Variants in PHACTR2 observed in about 807,000 individuals in gnomAD.
PHACTR2 encodes the protein chromosome 6 open reading frame 56.
A neutral mutation model predicts 76.0 loss-of-function variants in PHACTR2; 30 were observed. The observed-to-expected ratio is 0.39, with a 90% CI of 0.30 to 0.54. The LOEUF (loss-of-function observed/expected upper bound fraction) is 0.54, where lower values mean the gene tolerates loss of function less well. Among genes scored for constraint, PHACTR2 ranks in the 20% least tolerant of loss-of-function variants. The probability of loss-of-function intolerance (pLI) is 0.61; values close to 1 mark genes in which losing one functional copy is unlikely to be tolerated. For synonymous variants in PHACTR2, 292 were observed against 292.5 expected (o/e 1.00, Z 0.02); for missense variants, 696 against 781.1 (o/e 0.89, Z 1.30).
At chr6:143,638,590 C>T (rs1776509709) in intron 1 of PHACTR2, among the ~76,000 whole-genome samples, 1 of 150,362 alleles carries the variant, frequency 6.7e-6, no homozygotes, top group African/African-American at 2.5e-5. Flanking sequence ...CACACACACA[C>T]ACACACACAC....
intron 1 of PHACTR2, among the ~76,000 whole-genome samples, chr6:143,576,512 T>C (rs887743091): frequency 6.6e-6 from 1 of 152,244 alleles, no homozygotes; most frequent in Non-Finnish European, 1.5e-5. Context: ...ATTTCTAACA[T>C]TTAGCTTTTC....
rs565051735 is a variant in PHACTR2 at position 143,663,561 on chromosome 6, C to T, written c.14-48455C>T. On this transcript the variant is annotated intron_variant, in intron 1 of 11. Coordinates refer to the PHACTR2 transcript ENST00000305766. This position sits in a 1 kb window ranked among gnomAD's most constrained non-coding sequence, Gnocchi z 4.1. Reference sequence around the variant, plus strand: ...TTTTCTTTGTTTTTTTAAATAAATGCGATTAAAGCTTTAAATATAGCTCTA... The same window carrying T: ...TTTTCTTTGTTTTTTTAAATAAATGTGATTAAAGCTTTAAATATAGCTCTA... Among the ~76,000 whole-genome samples the T allele has an allele frequency of 8.5e-4, 129 of 151,922 alleles. No homozygotes were observed. The highest frequency in any genetic ancestry group is 6.8e-3 in the Middle Eastern group (2 of 294).
Position 143,550,096 on chromosome 6 carries a change from T to C in PHACTR2, c.217+12889T>C, listed in dbSNP as rs977430390. Among the ~76,000 whole-genome samples the C allele has an allele frequency of 6.6e-5, 10 of 152,172 alleles. 1 individual carries two copies. Among genetic ancestry groups the C allele is most frequent in the East Asian group, 1.9e-4 (1 of 5,188 alleles). On this transcript the variant is annotated intron_variant, in intron 1 of 11. Coordinates refer to the PHACTR2 transcript ENST00000367584. The surrounding 1 kb of genome is among the most constrained non-coding windows in gnomAD (Gnocchi z 4.8). The stretch of plus-strand genomic sequence containing the variant: ...AACGTAATGGCCTGCTGACCAGAGC[T>C]CCCACTCTGAGTTCACATATGAGTA...
rs1174247560 is a variant in PHACTR2 at position 143,698,915 on chromosome 6, G to T, written c.47-13101G>T. The stretch of plus-strand genomic sequence containing the variant: ...CTCCCTTGGATTGTCCGAACCCTGG[G>T]TCTCCTTGGCAACACTGTTGCCCTG... On this transcript the variant is annotated intron_variant, in intron 1 of 12. Coordinates refer to ENST00000440869, the MANE Select transcript of PHACTR2 (RefSeq NM_001100164.2). The surrounding 1 kb of genome is among the most constrained non-coding windows in gnomAD (Gnocchi z 4.3). Among the ~76,000 whole-genome samples, 1 of 152,126 alleles carries T rather than the reference G, an allele frequency of 6.6e-6. No individual in the cohort carries two copies. Among genetic ancestry groups the T allele is most frequent in the Non-Finnish European group, 1.5e-5 (1 of 68,032 alleles).
chr6:143,767,829 TTTTTG>T lies in PHACTR2; in HGVS notation c.1232+2051_1232+2055del, dbSNP rs537492644. Among the ~76,000 whole-genome samples, 380 of 151,984 alleles carry T rather than the reference TTTTTG, an allele frequency of 2.5e-3. 1 individual carries two copies. The highest frequency in any genetic ancestry group is 8.7e-3 in the African/African-American group (360 of 41,484). On this transcript the variant is annotated intron_variant, in intron 6 of 12. Coordinates refer to ENST00000440869, the MANE Select transcript of PHACTR2 (RefSeq NM_001100164.2). The surrounding 1 kb of genome is among the most constrained non-coding windows in gnomAD (Gnocchi z 4.4). Reference sequence around the variant, plus strand: ...AACACTTTCACACTGAGGATGAAGGTTTTTGTTTTGTTTTGTTTTGTTTTTTGAGA... The same window carrying T: ...AACACTTTCACACTGAGGATGAAGGTTTTTGTTTTGTTTTGTTTTTTGAGA...
rs1255915957 is a variant in PHACTR2, at chr6:143,757,956, C to T, written c.455-2445C>T. Among the ~76,000 whole-genome samples the T allele has an allele frequency of 3.2e-5, 3 of 92,410 alleles. No individual in the cohort carries two copies. Among genetic ancestry groups the T allele is most frequent in the African/African-American group, 4.9e-5 (1 of 20,612 alleles). The allele number at this position is 92,410 out of a possible 152,430, so 60.6% of individuals were successfully genotyped here. Reference sequence around the variant, plus strand: ...GTCCCTGCGTGTGTGTGCATGCACACGTGCGCGCACACACACACACACACA... The same window carrying T: ...GTCCCTGCGTGTGTGTGCATGCACATGTGCGCGCACACACACACACACACA... On this transcript the variant is annotated intron_variant, in intron 4 of 12. Transcript: ENST00000440869. This position sits in a 1 kb window ranked among gnomAD's most constrained non-coding sequence, Gnocchi z 4.2.
chr6:143,642,233 G>A (rs1469082859), intron 1 of PHACTR2, among the ~76,000 whole-genome samples: 1 of 152,204 alleles, frequency 6.6e-6, no homozygotes, highest in East Asian at 1.9e-4. Flanking sequence ...ATGTCCTACA[G>A]TTTTTGAAGA....
intron 1 of PHACTR2, 158 bp from the exon 2 acceptor site, chr6:143,711,858 G>A: frequency 2.6e-6 from 2 of 770,096 alleles, no homozygotes; most frequent in South Asian, 2.7e-5. Context: ...TGATATGAGG[G>A]AAGTCCTACC....
chr6:143,544,255 A>G (rs1736284702), intron 1 of PHACTR2, among the ~76,000 whole-genome samples: 1 of 140,926 alleles, frequency 7.1e-6, no homozygotes, highest in Non-Finnish European at 1.5e-5. Flanking sequence ...AGGGAGTGGG[A>G]AGGAAGGAAG....
intron 6 of PHACTR2, among the ~76,000 whole-genome samples, chr6:143,769,151 C>A (rs1338325210): frequency 1.3e-5 from 2 of 152,100 alleles, no homozygotes; most frequent in Non-Finnish European, 2.9e-5. Flanking sequence ...ATAAAAATAC[C>A]TACCTCTCTT....
chr6:143,600,337 C>T (rs528777426), intron 1 of PHACTR2, among the ~76,000 whole-genome samples: 33 of 152,334 alleles, frequency 2.2e-4, no homozygotes, highest in African/African-American at 6.5e-4. Context: ...CAGGCTACCC[C>T]TTTGGCTGAT....
chr6:143,575,872 T>C (rs1386205979), intron 1 of PHACTR2, among the ~76,000 whole-genome samples: 2 of 108,604 alleles, frequency 1.8e-5, no homozygotes, highest in Non-Finnish European at 4.2e-5. Flanking sequence ...AGTGGACATT[T>C]GTTTTCAATT....
chr6:143,600,736 T>C (rs1775805304), intron 1 of PHACTR2, among the ~76,000 whole-genome samples: 1 of 152,248 alleles, frequency 6.6e-6, no homozygotes. Context: ...GAAGTGATTG[T>C]TTTGTTTAGT....
At chr6:143,705,293 AT>A (rs142316800) in intron 1 of PHACTR2, among the ~76,000 whole-genome samples, 28,132 of 107,656 alleles carry the variant, frequency 0.26, 3,185 homozygotes, top group African/African-American at 0.39. Context: ...TAATTTTTGC[AT>A]TTTTTTTTTT....
Position 143,596,690 on chromosome 6 carries a change from T to C in PHACTR2, c.217+59483T>C, listed in dbSNP as rs999592517. Among the ~76,000 whole-genome samples, 3 of 152,014 alleles carry C rather than the reference T, an allele frequency of 2.0e-5. No individual in the cohort carries two copies. The highest frequency in any genetic ancestry group is 4.4e-5 in the Non-Finnish European group (3 of 68,000). On this transcript the variant is annotated intron_variant, in intron 1 of 11. Transcript: ENST00000367584. This position sits in a 1 kb window ranked among gnomAD's most constrained non-coding sequence, Gnocchi z 4.6. Reference sequence around the variant, plus strand: ...CCCATTTTACTAAAAATAAAAAAGTTAGCTGGCTGTGGTGGTATGTGACAG... The same window carrying C: ...CCCATTTTACTAAAAATAAAAAAGTCAGCTGGCTGTGGTGGTATGTGACAG...
rs1582705368 is a variant in PHACTR2 at position 143,618,951 on chromosome 6, T to C, written c.13+10629T>C. ...AGTACTGTACCTGGCAGAGGAGGTG[T>C]GTTCCATAAGCAGGCAAATGAATAC... On this transcript the variant is annotated intron_variant, in intron 1 of 11. Transcript: ENST00000305766. This position sits in a 1 kb window ranked among gnomAD's most constrained non-coding sequence, Gnocchi z 5.2. 2.6e-5 allele frequency among the ~76,000 whole-genome samples: 4 copies of C among 152,144 alleles called. No individual in the cohort carries two copies. The South Asian group carries it at 8.3e-4, about 31-fold the overall frequency.
Position 143,783,235 on chromosome 6 carries a change from G to A in PHACTR2, c.1662G>A (p.Glu554=), listed in dbSNP as rs1405545661. 1 of 1,606,678 alleles carries A rather than the reference G, an allele frequency of 6.2e-7. No individual in the cohort carries two copies. Among genetic ancestry groups the A allele is most frequent in the Non-Finnish European group, 8.5e-7 (1 of 1,174,028 alleles). The change falls in exon 10 of 13, where the codon GAG becomes GAA. Residue 554 remains glutamate, a synonymous_variant. Transcript: ENST00000440869. The surrounding 1 kb of genome is among the most constrained non-coding windows in gnomAD (Gnocchi z 5.2). Reference sequence around the variant, plus strand: ...AATAAACAGAAAAGAATGAAGAAGAGGAACAAGAAGCAAAAATGGAACTTA... The same window carrying A: ...AATAAACAGAAAAGAATGAAGAAGAAGAACAAGAAGCAAAAATGGAACTTA... The part of the protein sequence containing the change: ...RNILKQKNEE[E]EQEAKMELKR...
At position 143,722,948 on chromosome 6, in the gene PHACTR2, A is replaced by G. The variant is rs1472276106; in HGVS notation, c.214+10765A>G. 6.6e-6 allele frequency among the ~76,000 whole-genome samples: 1 copy of G among 152,166 alleles called. No homozygotes were observed. The highest frequency in any genetic ancestry group is 1.5e-5 in the Non-Finnish European group (1 of 68,034). ...AAATGACAGAATTTTATTCTTTTTT[A>G]TGGCTGAATAGTATTCCATTATGGT... On this transcript the variant is annotated intron_variant, in intron 2 of 12. Transcript: ENST00000440869. This position sits in a 1 kb window ranked among gnomAD's most constrained non-coding sequence, Gnocchi z 4.1.
intron 12 of PHACTR2, among the ~76,000 whole-genome samples, chr6:143,813,108 T>A (rs532410871): frequency 6.6e-6 from 1 of 152,198 alleles, no homozygotes; most frequent in Admixed American, 6.5e-5. Context: ...AACTTCTCAT[T>A]TTGTAAATGA....
Sources: allele counts gnomAD v4.1 joint callset (sites outside exome capture counted in the v4.1 genomes callset), GRCh38; gene constraint gnomAD v4.1.1; non-coding constraint Gnocchi (gnomAD v3.1); transcripts MANE v1.5; gene names NCBI Gene and HGNC (gene_info 2026-07-23, HGNC 2026-07-21).